The following DIP2C variants were observed in gnomAD, a reference collection of about 807,000 sequenced individuals.
The protein encoded by DIP2C is disco-interacting protein 2 homolog C.
In DIP2C, 33 loss-of-function variants were observed where a neutral mutation model predicts 192.4. The ratio of observed to expected loss-of-function variants is 0.17; its 90% CI spans 0.13 to 0.23. The LOEUF (loss-of-function observed/expected upper bound fraction) is 0.23. DIP2C is among the 10% of genes least tolerant of loss of function. DIP2C has a pLI of 1.00. For missense variants in DIP2C, 1,537 were observed against 2,110.1 expected (o/e 0.73, Z 5.32); for synonymous variants, 979 against 864.1 (o/e 1.13, Z -2.33).
At chr10:403,724 G>A (rs1217527617) in intron 9 of DIP2C, among the ~76,000 whole-genome samples, 1 of 150,896 alleles carries the variant, frequency 6.6e-6, no homozygotes, top group African/African-American at 2.4e-5. Flanking sequence ...CTTCCTTATG[G>A]ACAAGTTTGG....
rs1032053842 is a variant in DIP2C, at chr10:363,547, G to A, written c.2478-236C>T. ...CTGATCCCCACGGAGGCCACACACAGCACCCGCGGGCTCTGGTGACCAGGT... is the reference window on the plus strand; with the variant it reads ...CTGATCCCCACGGAGGCCACACACAACACCCGCGGGCTCTGGTGACCAGGT... On this transcript the variant is annotated intron_variant, in intron 20 of 36. Transcript: ENST00000280886. The surrounding 1 kb of genome is among the most constrained non-coding windows in gnomAD (Gnocchi z 5.4). Among the ~76,000 whole-genome samples, 2 of 152,248 alleles carry A rather than the reference G, an allele frequency of 1.3e-5. No homozygotes were observed. Among genetic ancestry groups the A allele is most frequent in the African/African-American group, 4.8e-5 (2 of 41,460 alleles).
intron 1 of DIP2C, among the ~76,000 whole-genome samples, chr10:543,151 T>A (rs1174499077): frequency 1.3e-5 from 2 of 152,218 alleles, no homozygotes; most frequent in Non-Finnish European, 2.9e-5. Context: ...TCCATGGACA[T>A]CACCAGTCTT....
chr10:621,496 C>T (rs1040794354), intron 1 of DIP2C, among the ~76,000 whole-genome samples: 1 of 152,186 alleles, frequency 6.6e-6, no homozygotes, highest in Non-Finnish European at 1.5e-5. Flanking sequence ...TATGAGCACA[C>T]ACCCCCCAGG....
At chr10:580,984 G>A (rs777607993) in intron 1 of DIP2C, among the ~76,000 whole-genome samples, 2 of 152,246 alleles carry the variant, frequency 1.3e-5, no homozygotes, top group East Asian at 1.9e-4. Context: ...TTATTTAATC[G>A]AGTTCTGACA....
At chr10:406,510 CTG>C (rs1051487774) in intron 9 of DIP2C, among the ~76,000 whole-genome samples, 1 of 152,204 alleles carries the variant, frequency 6.6e-6, no homozygotes, top group African/African-American at 2.4e-5. Flanking sequence ...AATTATGACA[CTG>C]AAAGGGATCA....
chr10:531,327 T>G (rs1198440919), intron 1 of DIP2C, among the ~76,000 whole-genome samples: 1 of 151,544 alleles, frequency 6.6e-6, no homozygotes, highest in African/African-American at 2.4e-5. Flanking sequence ...GCGAACAAAC[T>G]CCCGTGTGTT....
intron 8 of DIP2C, among the ~76,000 whole-genome samples, chr10:412,175 G>A (rs968160294): frequency 3.3e-5 from 5 of 152,200 alleles, no homozygotes; most frequent in Non-Finnish European, 7.3e-5. Context: ...CCTTCTGATC[G>A]ACATCAGAAG....
chr10:303,484 T>A lies in DIP2C; in HGVS notation c.3986+6547A>T, dbSNP rs1168843327. Reference sequence around the variant, plus strand: ...TATTGTACAGCTGTACAAAAATAATTTATCTTTATATCAAGTTTTCTATTA... The same window carrying A: ...TATTGTACAGCTGTACAAAAATAATATATCTTTATATCAAGTTTTCTATTA... On this transcript the variant is annotated intron_variant, in intron 32 of 36. Transcript: ENST00000280886. Among the ~76,000 whole-genome samples, 3 of 152,174 alleles carry A rather than the reference T, an allele frequency of 2.0e-5. No homozygotes were observed. In the East Asian group the frequency reaches 5.8e-4, roughly 29 times the overall value.
At chr10:417,939 G>A (rs1373505620) in intron 6 of DIP2C, among the ~76,000 whole-genome samples, 1 of 100,342 alleles carries the variant, frequency 1.0e-5, no homozygotes, top group Admixed American at 9.5e-5. Context: ...TCAGGGCTTC[G>A]ATAGGCCTCC....
intron 1 of DIP2C, among the ~76,000 whole-genome samples, chr10:582,568 G>GT (rs1850735668): frequency 2.0e-5 from 3 of 152,184 alleles, no homozygotes; most frequent in African/African-American, 7.2e-5. Flanking sequence ...GGGTGACAGA[G>GT]CAAGACCCTG....
intron 1 of DIP2C, among the ~76,000 whole-genome samples, chr10:592,435 CA>C (rs1851456574): frequency 1.3e-5 from 2 of 152,156 alleles, no homozygotes; most frequent in African/African-American, 4.8e-5. Context: ...GATACGAAAA[CA>C]GATGAATGAC....
chr10:492,258 T>C (rs1387517271), intron 1 of DIP2C, among the ~76,000 whole-genome samples: 11 of 152,198 alleles, frequency 7.2e-5, no homozygotes, highest in Admixed American at 6.5e-4. Flanking sequence ...CAAACTGCGT[T>C]GGAGGCTTCT....
intron 1 of DIP2C, among the ~76,000 whole-genome samples, chr10:534,677 T>C (rs1165987637): frequency 2.0e-5 from 3 of 151,094 alleles, no homozygotes; most frequent in African/African-American, 7.3e-5. Flanking sequence ...TATTATTTTT[T>C]TTTTTTTTTT....
At chr10:574,307 C>G (rs538940028) in intron 1 of DIP2C, among the ~76,000 whole-genome samples, 13 of 152,120 alleles carry the variant, frequency 8.5e-5, no homozygotes, top group African/African-American at 2.9e-4. Context: ...GTTATCTTTC[C>G]GCAATTAAAT....
At chr10:421,671 C>A (rs987041373) in intron 5 of DIP2C, among the ~76,000 whole-genome samples, 1 of 152,204 alleles carries the variant, frequency 6.6e-6, no homozygotes, top group African/African-American at 2.4e-5. Context: ...TATTACTTTA[C>A]AAACTTTTAC....
intron 23 of DIP2C, among the ~76,000 whole-genome samples, chr10:356,820 G>A: frequency 6.6e-6 from 1 of 152,186 alleles, no homozygotes; most frequent in Non-Finnish European, 1.5e-5. Flanking sequence ...GCCCAAGGAT[G>A]GGAACCATTT....
At chr10:499,960 A>G (rs1056833757) in intron 1 of DIP2C, among the ~76,000 whole-genome samples, 29 of 152,190 alleles carry the variant, frequency 1.9e-4, no homozygotes, top group South Asian at 4.1e-4. Context: ...CCCTGCCACA[A>G]TGGGACTGGG....
chr10:441,739 T>C (rs1967755480), intron 3 of DIP2C, among the ~76,000 whole-genome samples: 1 of 152,260 alleles, frequency 6.6e-6, no homozygotes, highest in Non-Finnish European at 1.5e-5. Flanking sequence ...ATTCCCAGTC[T>C]TGGGTATGTC....
intron 2 of DIP2C, chr10:484,779 A>C: frequency 6.2e-7 from 1 of 1,610,300 alleles, no homozygotes; most frequent in Non-Finnish European, 8.5e-7. Context: ...AGCAGCGCTC[A>C]CCGAAACGAA....
Sources: allele counts gnomAD v4.1 joint callset (sites outside exome capture counted in the v4.1 genomes callset), GRCh38; gene constraint gnomAD v4.1.1; non-coding constraint Gnocchi (gnomAD v3.1); transcripts MANE v1.5; gene names NCBI Gene and HGNC (gene_info 2026-07-23, HGNC 2026-07-21).